SHISA9: variants seen among roughly 807,000 people sequenced by gnomAD.
SHISA9 encodes the protein protein shisa-9.
Under a neutral mutation model 38.0 loss-of-function variants are expected in SHISA9, and 13 were observed. The ratio of observed to expected loss-of-function variants is 0.34; its 90% CI spans 0.22 to 0.54. SHISA9 has a LOEUF of 0.54. SHISA9 is among the 20% of genes least tolerant of loss of function. The pLI is 0.91. For missense variants in SHISA9, 538 were observed against 575.8 expected, an observed-to-expected ratio of 0.93 and a Z score of 0.67; for synonymous variants, 275 against 242.0, an observed-to-expected ratio of 1.14 and a Z score of -1.27.
intron 2 of SHISA9, among the ~76,000 whole-genome samples, chr16:13,151,388 T>C (rs905757254): frequency 1.3e-5 from 2 of 152,158 alleles, no homozygotes; most frequent in African/African-American, 4.8e-5. Context: ...ATGACAGGCA[T>C]GAGCCACCAC....
the SHISA9 span, among the ~76,000 whole-genome samples, chr16:13,394,238 A>G: frequency 6.6e-6 from 1 of 152,236 alleles, no homozygotes; most frequent in African/African-American, 2.4e-5. Flanking sequence ...CAAACCTAGC[A>G]GATTCCAGCT....
At chr16:13,404,115 C>T in the SHISA9 span, among the ~76,000 whole-genome samples, 60 of 152,136 alleles carry the variant, frequency 3.9e-4, no homozygotes, top group Non-Finnish European at 1.2e-4. Context: ...TGTTATTTCT[C>T]TATTATTTTA....
chr16:13,048,429 A>AT (rs370598688), intron 2 of SHISA9, among the ~76,000 whole-genome samples: 575 of 149,986 alleles, frequency 3.8e-3, no homozygotes, highest in Non-Finnish European at 6.4e-3. Flanking sequence ...GACTTATAAC[A>AT]TTTTTTTTTT....
At chr16:13,406,716 G>A in the SHISA9 span, among the ~76,000 whole-genome samples, 1 of 152,124 alleles carries the variant, frequency 6.6e-6, no homozygotes. Context: ...CACTTTCTAG[G>A]TGTGTGACTT....
the SHISA9 span, among the ~76,000 whole-genome samples, chr16:13,479,093 C>A: frequency 6.6e-6 from 1 of 152,170 alleles, no homozygotes; most frequent in African/African-American, 2.4e-5. Flanking sequence ...CATTCCTTGC[C>A]TTTTCCAGCT....
At chr16:13,397,864 T>A in the SHISA9 span, among the ~76,000 whole-genome samples, 1 of 152,168 alleles carries the variant, frequency 6.6e-6, no homozygotes, top group Non-Finnish European at 1.5e-5. Flanking sequence ...ACCGGAAGAA[T>A]GGGAGGACAT....
intron 2 of SHISA9, among the ~76,000 whole-genome samples, chr16:12,937,753 A>C (rs1484277723): frequency 1.3e-5 from 2 of 152,192 alleles, no homozygotes; most frequent in African/African-American, 4.8e-5. Context: ...GATCTTTGTC[A>C]TCTTCTCACA....
chr16:13,314,713 T>C, the SHISA9 span, among the ~76,000 whole-genome samples: 1 of 152,328 alleles, frequency 6.6e-6, no homozygotes, highest in African/African-American at 2.4e-5. Flanking sequence ...AAAAGTTTCC[T>C]TGTGTCCTTT....
At chr16:13,288,769 G>A in the SHISA9 span, among the ~76,000 whole-genome samples, 1 of 152,110 alleles carries the variant, frequency 6.6e-6, no homozygotes, top group African/African-American at 2.4e-5. Flanking sequence ...CCAGCTTGGT[G>A]ACAGAGCAAG....
Position 13,172,450 on chromosome 16 carries a change from G to T in SHISA9, c.692-30944G>T, listed in dbSNP as rs376282881. 5.3e-5 allele frequency among the ~76,000 whole-genome samples: 8 copies of T among 152,344 alleles called. No individual in the cohort carries two copies. In the East Asian group the frequency reaches 1.3e-3, roughly 26 times the overall value. On this transcript the variant is annotated intron_variant, in intron 2 of 4. Transcript: ENST00000558583. ...AAGGGAATTAGTAACTGAGTCATTA[G>T]TCGTAGCATATAATCAACGTGTGCA...
the SHISA9 span, among the ~76,000 whole-genome samples, chr16:13,275,398 A>G: frequency 6.6e-6 from 1 of 152,180 alleles, no homozygotes; most frequent in East Asian, 1.9e-4. Context: ...ATTTCTTTCT[A>G]TGTAAACATT....
At chr16:13,382,974 C>T in the SHISA9 span, among the ~76,000 whole-genome samples, 1 of 152,206 alleles carries the variant, frequency 6.6e-6, no homozygotes, top group African/African-American at 2.4e-5. Context: ...CATGTAACTT[C>T]TTCAATCAGC....
the SHISA9 span, among the ~76,000 whole-genome samples, chr16:13,281,315 T>G: frequency 6.6e-6 from 1 of 151,960 alleles, no homozygotes; most frequent in Admixed American, 6.6e-5. Flanking sequence ...ATATGGTTTC[T>G]TATTAATATG....
the SHISA9 span, among the ~76,000 whole-genome samples, chr16:13,544,192 A>G: frequency 6.6e-6 from 1 of 150,840 alleles, no homozygotes; most frequent in African/African-American, 2.4e-5. Flanking sequence ...AATCAATAGC[A>G]TGAGGCAGTA....
chr16:12,904,478 C>T (rs1289778031), intron 1 of SHISA9, among the ~76,000 whole-genome samples: 2 of 152,136 alleles, frequency 1.3e-5, no homozygotes, highest in African/African-American at 2.4e-5. Flanking sequence ...AGCTCTCTAC[C>T]GGTTACCCAA....
At chr16:13,025,563 T>C (rs944237110) in intron 2 of SHISA9, among the ~76,000 whole-genome samples, 7 of 152,130 alleles carry the variant, frequency 4.6e-5, no homozygotes, top group African/African-American at 1.7e-4. Flanking sequence ...TTGAAATTCT[T>C]TAAAATCTCC....
chr16:13,362,957 T>C, the SHISA9 span, among the ~76,000 whole-genome samples: 1 of 152,204 alleles, frequency 6.6e-6, no homozygotes, highest in Non-Finnish European at 1.5e-5. Context: ...CAACTAATAA[T>C]ATAATTAAGG....
chr16:13,556,328 G>A, the SHISA9 span, among the ~76,000 whole-genome samples: 6 of 152,090 alleles, frequency 3.9e-5, no homozygotes, highest in Admixed American at 3.3e-4. Context: ...AGGATTCGTT[G>A]GAATTTGAAC....
the SHISA9 span, among the ~76,000 whole-genome samples, chr16:13,511,048 A>T: frequency 6.6e-6 from 1 of 152,370 alleles, no homozygotes; most frequent in African/African-American, 2.4e-5. Context: ...TTGGACGTTC[A>T]TCACTACATT....
Sources: allele counts gnomAD v4.1 joint callset (sites outside exome capture counted in the v4.1 genomes callset), GRCh38; gene constraint gnomAD v4.1.1; transcripts MANE v1.5; gene names NCBI Gene and HGNC (gene_info 2026-07-23, HGNC 2026-07-21).